Variants in MIS18A observed in about 807,000 individuals in gnomAD.
The protein encoded by MIS18A is MIS18 kinetochore protein A, also known as protein Mis18-alpha.
In MIS18A, 14 loss-of-function variants were observed where a neutral mutation model predicts 25.0. That is an observed-to-expected ratio of 0.56 (90% CI 0.37 to 0.88). MIS18A has a LOEUF of 0.88. Ranked by LOEUF, MIS18A falls within the 40% of genes least tolerant of loss-of-function variation. MIS18A has a pLI of 0.00. For synonymous variants in MIS18A, 134 were observed against 118.6 expected (o/e 1.13, Z -0.84); for missense variants, 292 against 290.8 (o/e 1.00, Z -0.03).
the MIS18A span, among the ~76,000 whole-genome samples, chr21:32,157,094 C>T: frequency 2.2e-5 from 3 of 133,922 alleles, no homozygotes; most frequent in Non-Finnish European, 3.1e-5. Context: ...CATATTCTGT[C>T]GCCCAGGCTG....
At chr21:32,197,465 C>G in the MIS18A span, among the ~76,000 whole-genome samples, 1 of 152,158 alleles carries the variant, frequency 6.6e-6, no homozygotes, top group Non-Finnish European at 1.5e-5. Flanking sequence ...ATAATGAACC[C>G]AAGGATCCAA....
the MIS18A span, among the ~76,000 whole-genome samples, chr21:32,192,916 T>C: frequency 2.6e-5 from 4 of 152,168 alleles, no homozygotes; most frequent in Non-Finnish European, 5.9e-5. Context: ...CATCCCCAGC[T>C]TGAGGTTGAC....
At chr21:32,158,844 C>CTTA in the MIS18A span, among the ~76,000 whole-genome samples, 89,409 of 151,666 alleles carry the variant, frequency 0.59, 28,198 homozygotes, top group African/African-American at 0.83. Flanking sequence ...TTTTACTAAC[C>CTTA]TTATGACTTA....
downstream of MIS18A, among the ~76,000 whole-genome samples, chr21:32,266,967 A>AACAC (rs199958126): frequency 4.0e-3 from 602 of 149,514 alleles, 2 homozygotes; most frequent in African/African-American, 8.8e-3. Context: ...GGACAAGTTA[A>AACAC]ACACACACAC....
chr21:32,278,808 C>T lies in MIS18A; in HGVS notation c.207G>A (p.Leu69=). Residue 69 remains leucine (L), a synonymous_variant, in exon 1 of 5, where the codon CTG becomes CTA. Transcript: ENST00000290130. The part of the protein sequence containing the change: ...ASVADMERAQ[L]EEEAAAAEER... The stretch of plus-strand genomic sequence containing the variant: ...CCTCCGCAGCCGCCGCCTCCTCCTC[C>T]AGCTGCGCCCTCTCCATGTCGGCCA... The T allele has an allele frequency of 3.8e-6, 6 of 1,593,764 alleles. No homozygotes were observed. The highest frequency in any genetic ancestry group is 1.1e-5 in the South Asian group (1 of 89,440).
At chr21:32,240,073 C>A in the MIS18A span, among the ~76,000 whole-genome samples, 1 of 152,232 alleles carries the variant, frequency 6.6e-6, no homozygotes, top group African/African-American at 2.4e-5. Flanking sequence ...AATACGCAGT[C>A]CAGGTCTGTG....
the MIS18A span, among the ~76,000 whole-genome samples, chr21:32,169,929 C>T: frequency 6.6e-6 from 1 of 152,018 alleles, no homozygotes; most frequent in Admixed American, 6.6e-5. Context: ...TGGCTGCATT[C>T]TATTATTTTT....
the MIS18A span, among the ~76,000 whole-genome samples, chr21:32,257,047 C>T: frequency 6.6e-6 from 1 of 152,182 alleles, no homozygotes; most frequent in Non-Finnish European, 1.5e-5. Flanking sequence ...CAGTTGTTGC[C>T]TTGGAAACTC....
At chr21:32,219,108 A>G in the MIS18A span, among the ~76,000 whole-genome samples, 1 of 152,108 alleles carries the variant, frequency 6.6e-6, no homozygotes, top group Admixed American at 6.5e-5. Context: ...TACATTAAAC[A>G]TAAATGGATT....
At chr21:32,161,795 AGTTTTTAAATAAAC>A in the MIS18A span, among the ~76,000 whole-genome samples, 1 of 151,130 alleles carries the variant, frequency 6.6e-6, no homozygotes, top group South Asian at 2.1e-4. Context: ...CCTGGCCGGA[AGTTTTTAAATAAAC>A]GTTTTTTGAC....
downstream of MIS18A, among the ~76,000 whole-genome samples, chr21:32,266,230 T>C (rs2123459621): frequency 6.6e-6 from 1 of 152,238 alleles, no homozygotes; most frequent in South Asian, 2.1e-4. Flanking sequence ...GTGTGGAAAC[T>C]CTGTATCTAA....
At chr21:32,212,672 C>T in the MIS18A span, among the ~76,000 whole-genome samples, 1 of 152,158 alleles carries the variant, frequency 6.6e-6, no homozygotes, top group Non-Finnish European at 1.5e-5. Flanking sequence ...CCAAATCTCA[C>T]CTTGAATTAT....
At chr21:32,181,192 A>G in the MIS18A span, among the ~76,000 whole-genome samples, 1 of 152,124 alleles carries the variant, frequency 6.6e-6, no homozygotes, top group African/African-American at 2.4e-5. Context: ...TGGAACATCA[A>G]TCTTTTCCTG....
the MIS18A span, among the ~76,000 whole-genome samples, chr21:32,247,475 C>T: frequency 6.6e-6 from 1 of 152,280 alleles, no homozygotes; most frequent in East Asian, 1.9e-4. Flanking sequence ...GGAATGTCTT[C>T]CTAACAAGCC....
the MIS18A span, among the ~76,000 whole-genome samples, chr21:32,168,086 T>C: frequency 6.6e-6 from 1 of 152,078 alleles, no homozygotes; most frequent in African/African-American, 2.4e-5. Flanking sequence ...GCTTCCCTTA[T>C]ATGAAGAGAT....
chr21:32,240,301 G>C, the MIS18A span, among the ~76,000 whole-genome samples: 29 of 152,368 alleles, frequency 1.9e-4, no homozygotes, highest in Admixed American at 1.4e-3. Flanking sequence ...AAGCCCTCAC[G>C]AATGGGATTA....
At chr21:32,249,229 G>T in the MIS18A span, among the ~76,000 whole-genome samples, 1 of 152,190 alleles carries the variant, frequency 6.6e-6, no homozygotes, top group African/African-American at 2.4e-5. Context: ...AGAGAGCAAT[G>T]CGTTATTCTC....
chr21:32,270,349 C>T (rs921141130), intron 3 of MIS18A, 58 bp downstream of exon 3: 12 of 1,587,766 alleles, frequency 7.6e-6, no homozygotes, highest in African/African-American at 2.7e-5. Context: ...CTGACAATTC[C>T]GTGCCTTAAC....
the MIS18A span, among the ~76,000 whole-genome samples, chr21:32,216,143 T>C: frequency 6.6e-6 from 1 of 152,150 alleles, no homozygotes; most frequent in Admixed American, 6.5e-5. Flanking sequence ...CAATCTGAGG[T>C]GCATTTATTC....
Sources: allele counts gnomAD v4.1 joint callset (sites outside exome capture counted in the v4.1 genomes callset), GRCh38; gene constraint gnomAD v4.1.1; transcripts MANE v1.5; gene names NCBI Gene and HGNC (gene_info 2026-07-23, HGNC 2026-07-21).